NELL1: variants seen among roughly 807,000 people sequenced by gnomAD.
NELL1 encodes the protein protein kinase C-binding protein NELL1.
Under a neutral mutation model 107.4 loss-of-function variants are expected in NELL1, and 76 were observed. The observed-to-expected ratio is 0.71, with a 90% CI of 0.59 to 0.86. NELL1 has a LOEUF of 0.86. NELL1 is among the 40% of genes least tolerant of loss of function. The probability of loss-of-function intolerance (pLI) is 0.00; values close to 1 mark genes in which losing one functional copy is unlikely to be tolerated. For missense variants in NELL1, 1,024 were observed against 1,005.5 expected (o/e 1.02, Z -0.25); for synonymous variants, 353 against 341.2 (o/e 1.03, Z -0.38).
intron 13 of NELL1, among the ~76,000 whole-genome samples, chr11:21,209,758 C>A (rs78496930): frequency 6.6e-6 from 1 of 151,894 alleles, no homozygotes; most frequent in African/African-American, 2.4e-5. Flanking sequence ...TCACCTAGTC[C>A]GATAGGAATA....
At chr11:20,777,834 A>G (rs1856779224) in intron 2 of NELL1, among the ~76,000 whole-genome samples, 1 of 151,864 alleles carries the variant, frequency 6.6e-6, no homozygotes, top group Non-Finnish European at 1.5e-5. Flanking sequence ...TTTTGTTTAT[A>G]TGTTTCTGGC....
At chr11:21,547,448 T>C (rs1856470601) in intron 16 of NELL1, among the ~76,000 whole-genome samples, 1 of 151,834 alleles carries the variant, frequency 6.6e-6, no homozygotes, top group Non-Finnish European at 1.5e-5. Context: ...GAGACCAGAT[T>C]GTGAAGGGTA....
intron 16 of NELL1, among the ~76,000 whole-genome samples, chr11:21,546,482 G>A (rs534902189): frequency 3.3e-5 from 5 of 152,084 alleles, no homozygotes; most frequent in South Asian, 2.1e-4. Flanking sequence ...CATGTGTCAT[G>A]GGAGGGAACC....
intron 12 of NELL1, among the ~76,000 whole-genome samples, chr11:21,075,696 G>A (rs985942008): frequency 1.3e-5 from 2 of 152,174 alleles, no homozygotes; most frequent in South Asian, 4.1e-4. Flanking sequence ...TCCTCCTAAA[G>A]TGCTGGGATT....
intron 13 of NELL1, among the ~76,000 whole-genome samples, chr11:21,170,322 T>G (rs961069145): frequency 2.6e-5 from 4 of 151,634 alleles, no homozygotes; most frequent in Admixed American, 6.6e-5. Flanking sequence ...TATGAGGCTG[T>G]GATGAGAGAA....
chr11:20,898,572 A>G (rs1298879122), intron 5 of NELL1, among the ~76,000 whole-genome samples: 3 of 148,790 alleles, frequency 2.0e-5, no homozygotes, highest in Non-Finnish European at 4.5e-5. Flanking sequence ...AAGTATAATA[A>G]AAAAAAAAGT....
intron 14 of NELL1, among the ~76,000 whole-genome samples, chr11:21,325,194 C>G (rs1241103001): frequency 6.6e-6 from 1 of 152,052 alleles, no homozygotes. Context: ...AGTATGACTA[C>G]TTTAATCTCT....
intron 3 of NELL1, among the ~76,000 whole-genome samples, chr11:20,802,362 C>G (rs1375153400): frequency 6.7e-6 from 1 of 148,420 alleles, no homozygotes; most frequent in East Asian, 1.9e-4. Context: ...AAATTACTTT[C>G]TTGATTTCTT....
chr11:21,063,564 C>T (rs1853796661), intron 12 of NELL1, among the ~76,000 whole-genome samples: 1 of 152,100 alleles, frequency 6.6e-6, no homozygotes, highest in South Asian at 2.1e-4. Flanking sequence ...ACAGGAGGCT[C>T]ATATATAACA....
At chr11:20,952,669 G>T (rs547752139) in intron 11 of NELL1, among the ~76,000 whole-genome samples, 1 of 152,260 alleles carries the variant, frequency 6.6e-6, no homozygotes, top group South Asian at 2.1e-4. Context: ...GGAAAGACAG[G>T]GCTATATGCT....
At chr11:20,709,086 G>T (rs1163283602) in intron 2 of NELL1, among the ~76,000 whole-genome samples, 4 of 152,142 alleles carry the variant, frequency 2.6e-5, no homozygotes, top group Admixed American at 2.6e-4. Flanking sequence ...ACCTGCTGCT[G>T]TGTGGCCCGG....
rs2213066 is a variant in NELL1, at chr11:21,275,929, T to A, written c.1549+46475T>A. Among the ~76,000 whole-genome samples, 4 of 152,040 alleles carry A rather than the reference T, an allele frequency of 2.6e-5. No individual in the cohort carries two copies. The South Asian group carries it at 8.3e-4, about 32-fold the overall frequency. ...AATAATAAGAGCTATCTATGACAAA[T>A]CCACAGCCAATATCATACTGAATAG... On this transcript the variant is annotated intron_variant, in intron 14 of 19. Transcript: ENST00000357134.
chr11:21,122,155 C>T (rs1855381604), intron 13 of NELL1, among the ~76,000 whole-genome samples: 1 of 152,150 alleles, frequency 6.6e-6, no homozygotes, highest in African/African-American at 2.4e-5. Context: ...AATGATGGAG[C>T]TTGCCCCTAG....
intron 3 of NELL1, among the ~76,000 whole-genome samples, chr11:20,830,745 C>G (rs778750331): frequency 2.6e-5 from 4 of 152,046 alleles, no homozygotes; most frequent in African/African-American, 4.8e-5. Context: ...TTGTAAAATT[C>G]CTTATGTGGA....
At chr11:21,358,198 C>T (rs902020812) in intron 14 of NELL1, among the ~76,000 whole-genome samples, 3 of 152,014 alleles carry the variant, frequency 2.0e-5, no homozygotes, top group Non-Finnish European at 4.4e-5. Context: ...GATGGTCCTT[C>T]GATGGGAATC....
At chr11:21,151,171 C>T (rs555826078) in intron 13 of NELL1, among the ~76,000 whole-genome samples, 4 of 152,150 alleles carry the variant, frequency 2.6e-5, no homozygotes, top group Non-Finnish European at 5.9e-5. Context: ...CCAGAGCACC[C>T]AGGTTGAATA....
At chr11:21,211,295 A>G (rs1329162447) in intron 13 of NELL1, among the ~76,000 whole-genome samples, 3 of 152,116 alleles carry the variant, frequency 2.0e-5, no homozygotes, top group Non-Finnish European at 2.9e-5. Context: ...AAGAGGGAAG[A>G]GCATATGAAA....
At chr11:20,792,758 T>C (rs1003231643) in intron 3 of NELL1, among the ~76,000 whole-genome samples, 2 of 151,958 alleles carry the variant, frequency 1.3e-5, no homozygotes, top group East Asian at 3.8e-4. Context: ...TAAATAATGA[T>C]AGCAATAGCA....
intron 2 of NELL1, among the ~76,000 whole-genome samples, chr11:20,733,968 A>G (rs1318382661): frequency 6.6e-6 from 1 of 152,220 alleles, no homozygotes; most frequent in Non-Finnish European, 1.5e-5. Flanking sequence ...AGTAAAATAA[A>G]GGAAAGCAAC....
Sources: allele counts gnomAD v4.1 joint callset (sites outside exome capture counted in the v4.1 genomes callset), GRCh38; gene constraint gnomAD v4.1.1; transcripts MANE v1.5; gene names NCBI Gene and HGNC (gene_info 2026-07-23, HGNC 2026-07-21).